Variants in FAF1 observed in about 807,000 individuals in gnomAD.
FAF1 encodes the protein FAS-associated factor 1.
In FAF1, 25 loss-of-function variants were observed where a neutral mutation model predicts 92.5. That is an observed-to-expected ratio of 0.27 (90% CI 0.20 to 0.38). FAF1 has a LOEUF of 0.38. Among genes scored for constraint, FAF1 ranks in the 10% least tolerant of loss-of-function variants. The probability of loss-of-function intolerance (pLI) is 1.00; values close to 1 mark genes in which losing one functional copy is unlikely to be tolerated. For missense variants in FAF1, 636 were observed against 793.3 expected, an observed-to-expected ratio of 0.80 and a Z score of 2.38; for synonymous variants, 234 against 273.2, an observed-to-expected ratio of 0.86 and a Z score of 1.42.
At chr1:50,862,781 TA>T (rs955103358) in intron 1 of FAF1, among the ~76,000 whole-genome samples, 27 of 151,292 alleles carry the variant, frequency 1.8e-4, no homozygotes, top group Non-Finnish European at 3.5e-4. Flanking sequence ...CAACAACAGT[TA>T]AAAAAGACAA....
intron 6 of FAF1, among the ~76,000 whole-genome samples, chr1:50,713,743 G>GT (rs1418741892): frequency 2.0e-5 from 3 of 149,564 alleles, no homozygotes; most frequent in Non-Finnish European, 3.0e-5. Context: ...GATTACAACC[G>GT]TAAGTCACTG....
chr1:50,572,768 C>A (rs1295367519), intron 12 of FAF1, among the ~76,000 whole-genome samples: 1 of 152,172 alleles, frequency 6.6e-6, no homozygotes, highest in African/African-American at 2.4e-5. Flanking sequence ...GGAAGTAAGG[C>A]TGGCAAATCA....
chr1:50,585,821 G>C (rs1265119433), intron 9 of FAF1, among the ~76,000 whole-genome samples: 1 of 122,592 alleles, frequency 8.2e-6, no homozygotes, highest in Non-Finnish European at 1.7e-5. Flanking sequence ...AGCATTAATA[G>C]AAACAAAATA....
chr1:50,556,560 G>GCCT (rs78776673), intron 13 of FAF1, among the ~76,000 whole-genome samples: 71 of 152,226 alleles, frequency 4.7e-4, no homozygotes, highest in Non-Finnish European at 9.3e-4. Context: ...AATTGGCCAG[G>GCCT]CAGAGTGGCT....
At chr1:50,788,237 T>A (rs748074410) in intron 3 of FAF1, 32 bp from the exon 4 acceptor site, 1 of 1,562,602 alleles carries the variant, frequency 6.4e-7, no homozygotes, top group African/African-American at 1.4e-5. Context: ...AGGATTATTG[T>A]CAACTAAATC....
intron 6 of FAF1, among the ~76,000 whole-genome samples, chr1:50,716,900 C>T (rs553807827): frequency 2.0e-5 from 3 of 152,330 alleles, no homozygotes; most frequent in South Asian, 4.1e-4. Context: ...CTCTTTTGCT[C>T]TTCACAATAA....
chr1:50,929,903 C>T (rs982166423), intron 1 of FAF1, among the ~76,000 whole-genome samples: 3 of 152,140 alleles, frequency 2.0e-5, no homozygotes, highest in African/African-American at 2.4e-5. Context: ...TAACGCTATA[C>T]AAATTGTCAG....
intron 15 of FAF1, among the ~76,000 whole-genome samples, chr1:50,493,324 C>T (rs987746556): frequency 6.6e-6 from 1 of 152,182 alleles, no homozygotes; most frequent in Non-Finnish European, 1.5e-5. Context: ...TGAGCCACCA[C>T]ACCTAGCCAA....
intron 6 of FAF1, among the ~76,000 whole-genome samples, chr1:50,727,396 A>G (rs551445402): frequency 6.6e-6 from 1 of 152,338 alleles, no homozygotes; most frequent in East Asian, 1.9e-4. Flanking sequence ...TACTCAATAT[A>G]TATCTGGTCA....
At chr1:50,635,742 C>T (rs1285124848) in intron 8 of FAF1, among the ~76,000 whole-genome samples, 2 of 152,214 alleles carry the variant, frequency 1.3e-5, no homozygotes, top group Non-Finnish European at 2.9e-5. Context: ...TTAGCTCACT[C>T]ATCTGGCCTT....
intron 1 of FAF1, among the ~76,000 whole-genome samples, chr1:50,884,913 G>C (rs1281291990): frequency 6.6e-6 from 1 of 152,080 alleles, no homozygotes; most frequent in Non-Finnish European, 1.5e-5. Flanking sequence ...GCTTTTCTTT[G>C]CTGGCAGATT....
At chr1:50,721,669 C>T (rs774865843) in intron 6 of FAF1, among the ~76,000 whole-genome samples, 2 of 152,070 alleles carry the variant, frequency 1.3e-5, no homozygotes, top group South Asian at 4.2e-4. Flanking sequence ...CTGTCACCCA[C>T]GCTGGAGTCA....
intron 1 of FAF1, among the ~76,000 whole-genome samples, chr1:50,872,731 T>C (rs1373582010): frequency 6.6e-6 from 1 of 151,954 alleles, no homozygotes; most frequent in Non-Finnish European, 1.5e-5. Flanking sequence ...ACCCTATCTC[T>C]ACTAAAAATA....
At chr1:50,894,670 C>A (rs1268291809) in intron 1 of FAF1, among the ~76,000 whole-genome samples, 1 of 151,818 alleles carries the variant, frequency 6.6e-6, no homozygotes. Flanking sequence ...TATAAAGTAC[C>A]TTCTCTGACC....
At chr1:50,671,186 C>T (rs10888704) in intron 7 of FAF1, among the ~76,000 whole-genome samples, 150,979 of 152,264 alleles carry the variant, frequency 0.99, 74,868 homozygotes, top group East Asian at 1. Context: ...AGGCAGATCA[C>T]TGGAGGTCAG....
intron 6 of FAF1, among the ~76,000 whole-genome samples, chr1:50,716,899 T>C (rs535413077): frequency 1.3e-5 from 2 of 152,310 alleles, no homozygotes; most frequent in South Asian, 4.2e-4. Context: ...GCTCTTTTGC[T>C]CTTCACAATA....
chr1:50,950,289 T>TA (rs1645204385), intron 1 of FAF1, among the ~76,000 whole-genome samples: 2 of 152,238 alleles, frequency 1.3e-5, no homozygotes, highest in African/African-American at 4.8e-5. Context: ...AACTGCCCCT[T>TA]ATGGAGGTGT....
intron 15 of FAF1, among the ~76,000 whole-genome samples, chr1:50,527,386 C>T (rs995219332): frequency 6.6e-6 from 1 of 152,164 alleles, no homozygotes; most frequent in Non-Finnish European, 1.5e-5. Context: ...ATTCCAGATA[C>T]AAGTCCCTTA....
intron 5 of FAF1, among the ~76,000 whole-genome samples, chr1:50,741,446 G>A (rs1160967732): frequency 6.6e-6 from 1 of 152,176 alleles, no homozygotes. Context: ...AATTTTATTT[G>A]AAATGTAATA....
Sources: gnomAD v4.1 joint callset for allele counts (sites outside exome capture counted in the v4.1 genomes callset) on GRCh38, gnomAD v4.1.1 for gene constraint, MANE v1.5 for transcripts, NCBI Gene and HGNC (gene_info 2026-07-23, HGNC 2026-07-21) for gene names.